Variants in CWH43 observed in about 807,000 individuals in gnomAD.
The protein encoded by CWH43 is cell wall biogenesis 43 C-terminal homolog.
A neutral mutation model predicts 85.7 loss-of-function variants in CWH43; 91 were observed. That is an observed-to-expected ratio of 1.06 (90% CI 0.90 to 1.26). The LOEUF is 1.26. Among genes scored for constraint, CWH43 ranks in the 50% most tolerant of loss-of-function variants. CWH43 has a pLI of 0.00. For missense variants in CWH43, 869 were observed against 839.2 expected, an observed-to-expected ratio of 1.04 and a Z score of -0.44; for synonymous variants, 323 against 293.6, an observed-to-expected ratio of 1.10 and a Z score of -1.02.
intron 6 of CWH43, among the ~76,000 whole-genome samples, chr4:49,002,238 G>A (rs918553710): frequency 5.9e-5 from 9 of 151,986 alleles, no homozygotes; most frequent in African/African-American, 2.2e-4. Flanking sequence ...AGGGATCATT[G>A]ACAAAAAAAG....
Position 49,009,564 on chromosome 4 carries a change from C to T in CWH43, c.1186+2238C>T, listed in dbSNP as rs371543418. The stretch of plus-strand genomic sequence containing the variant: ...TACTTGTCTTGTGCTGGTTTTCAAA[C>T]GGAATGCTTCCAGTTTTTGCCCATT... On this transcript the variant is annotated intron_variant, in intron 8 of 15. Transcript: ENST00000226432. Among the ~76,000 whole-genome samples the T allele has an allele frequency of 8.7e-3, 1,316 of 152,124 alleles. 3 individuals are homozygous for T. Among genetic ancestry groups the T allele is most frequent in the African/African-American group, 0.016 (645 of 41,504 alleles).
At chr4:49,024,559 CT>C (rs888096830) in intron 9 of CWH43, among the ~76,000 whole-genome samples, 12 of 152,118 alleles carry the variant, frequency 7.9e-5, no homozygotes, top group Non-Finnish European at 1.3e-4. Context: ...GGCAAATTCT[CT>C]TAGCATTTGT....
chr4:48,993,679 C>T (rs1782723706), intron 4 of CWH43, among the ~76,000 whole-genome samples: 1 of 152,200 alleles, frequency 6.6e-6, no homozygotes, highest in East Asian at 1.9e-4. Context: ...GCTACACTGC[C>T]TAAGCTCCAA....
intron 12 of CWH43, among the ~76,000 whole-genome samples, chr4:49,036,039 C>A (rs80144121): frequency 0.011 from 1,695 of 152,212 alleles, 20 homozygotes; most frequent in Non-Finnish European, 0.016. Flanking sequence ...GGAATCATTA[C>A]CTGCCTTAAG....
intron 13 of CWH43, among the ~76,000 whole-genome samples, chr4:49,042,750 C>T (rs1784504216): frequency 2.6e-5 from 4 of 152,078 alleles, no homozygotes; most frequent in African/African-American, 9.7e-5. Flanking sequence ...GAAGAGAAGA[C>T]AGATTATTTC....
chr4:48,986,571 G>A (rs1782502283), intron 1 of CWH43, 99 bp downstream of exon 1: 7 of 1,531,892 alleles, frequency 4.6e-6, no homozygotes, highest in Non-Finnish European at 6.1e-6. Flanking sequence ...TCAGGTAGGA[G>A]GAAAAGGGCG....
chr4:48,996,326 C>G (rs981195795), intron 5 of CWH43, among the ~76,000 whole-genome samples: 3 of 116,656 alleles, frequency 2.6e-5, no homozygotes, highest in Non-Finnish European at 6.2e-5. Flanking sequence ...CACACACACA[C>G]ACACATATAT....
intron 13 of CWH43, among the ~76,000 whole-genome samples, chr4:49,038,623 C>G (rs1253700670): frequency 1.3e-5 from 2 of 152,164 alleles, no homozygotes; most frequent in African/African-American, 4.8e-5. Flanking sequence ...AAGTCATATA[C>G]TGTTACTTCC....
chr4:49,048,492 C>T (rs1243684711), intron 14 of CWH43, among the ~76,000 whole-genome samples: 1 of 151,884 alleles, frequency 6.6e-6, no homozygotes, highest in African/African-American at 2.4e-5. Context: ...GTGGTCTAAA[C>T]AACAGAAATT....
At chr4:48,995,112 C>CA (rs1470436978) in intron 5 of CWH43, among the ~76,000 whole-genome samples, 1 of 152,186 alleles carries the variant, frequency 6.6e-6, no homozygotes, top group Non-Finnish European at 1.5e-5. Flanking sequence ...AATGCCTGCA[C>CA]AGAAGAGCAT....
At chr4:49,049,531 AC>A (rs1468519841) in intron 14 of CWH43, among the ~76,000 whole-genome samples, 1 of 151,780 alleles carries the variant, frequency 6.6e-6, no homozygotes, top group Non-Finnish European at 1.5e-5. Flanking sequence ...AAAAAAAAAA[AC>A]AGCAACAACA....
intron 15 of CWH43, among the ~76,000 whole-genome samples, chr4:49,060,456 AG>A (rs1785115956): frequency 6.6e-6 from 1 of 151,750 alleles, no homozygotes; most frequent in Admixed American, 6.6e-5. Context: ...CCTGGTGTTT[AG>A]GTGGGCCTGG....
At chr4:49,021,873 C>A (rs1397923093) in intron 9 of CWH43, among the ~76,000 whole-genome samples, 1 of 151,936 alleles carries the variant, frequency 6.6e-6, no homozygotes. Flanking sequence ...TGGTGTATAG[C>A]AGGGCTATTA....
In CWH43 at chr4:49,050,814, C is replaced by T. The variant is rs764087948; in HGVS notation, c.1986C>T (p.His662=). 1.2e-6 allele frequency: 2 copies of T among 1,612,376 alleles called. No individual in the cohort carries two copies. The highest frequency in any genetic ancestry group is 1.7e-6 in the Non-Finnish European group (2 of 1,179,254). ...YRDNQKVVID[H]REVSEKIHFN... The stretch of plus-strand genomic sequence containing the variant: ...ACAACCAGAAAGTGGTCATAGACCA[C>T]AGAGAAGTTTCTGAGAAAATTCATT... The change falls in exon 15 of 16, where the codon CAC becomes CAT. Residue 662 remains histidine, a synonymous_variant. Transcript: ENST00000226432.
chr4:49,031,053 G>A, intron 11 of CWH43, 93 bp downstream of exon 11: 1 of 1,227,382 alleles, frequency 8.1e-7, no homozygotes, highest in Non-Finnish European at 1.1e-6. Flanking sequence ...AATATCTTTG[G>A]TGAATGTGCC....
chr4:49,044,701 T>C, intron 13 of CWH43, 85 bp from the exon 14 acceptor site: 2 of 976,894 alleles, frequency 2.0e-6, no homozygotes, highest in Non-Finnish European at 3.2e-6. Context: ...GAGATATTTA[T>C]CATGTAGCTC....
chr4:49,055,613 G>A (rs192136487), intron 15 of CWH43, among the ~76,000 whole-genome samples: 46 of 148,132 alleles, frequency 3.1e-4, no homozygotes, highest in African/African-American at 1.1e-3. Context: ...TTTTGAGATA[G>A]AGTCTCACTC....
chr4:49,059,225 G>A (rs1289001379), intron 15 of CWH43, among the ~76,000 whole-genome samples: 1 of 152,076 alleles, frequency 6.6e-6, no homozygotes, highest in Non-Finnish European at 1.5e-5. Context: ...CTCCTTGATT[G>A]AGTCTGCTGT....
intron 15 of CWH43, among the ~76,000 whole-genome samples, chr4:49,061,517 G>T (rs188851654): frequency 2.0e-5 from 3 of 152,208 alleles, no homozygotes; most frequent in African/African-American, 4.8e-5. Flanking sequence ...AGGCTTAATG[G>T]CCCCTTTGCC....
Sources: gnomAD v4.1 joint callset for allele counts (sites outside exome capture counted in the v4.1 genomes callset) on GRCh38, gnomAD v4.1.1 for gene constraint, MANE v1.5 for transcripts, NCBI Gene and HGNC (gene_info 2026-07-23, HGNC 2026-07-21) for gene names.